BCKDHB: variants seen among roughly 807,000 people sequenced by gnomAD.
BCKDHB encodes 2-oxoisovalerate dehydrogenase subunit beta, mitochondrial.
Under a neutral mutation model 48.5 loss-of-function variants are expected in BCKDHB, and 41 were observed. That is an observed-to-expected ratio of 0.85 (90% CI 0.66 to 1.10). The LOEUF is 1.10. Ranked by LOEUF, BCKDHB falls within the 50% of genes least tolerant of loss-of-function variation. The probability of loss-of-function intolerance (pLI) is 0.00; values close to 1 mark genes in which losing one functional copy is unlikely to be tolerated. For synonymous variants in BCKDHB, 201 were observed against 174.8 expected, an observed-to-expected ratio of 1.15 and a Z score of -1.18; for missense variants, 496 against 494.2, an observed-to-expected ratio of 1.00 and a Z score of -0.03.
At chr6:80,294,365 A>ATG (rs1767109918) in intron 9 of BCKDHB, among the ~76,000 whole-genome samples, 2 of 152,198 alleles carry the variant, frequency 1.3e-5, no homozygotes, top group Admixed American at 1.3e-4. Context: ...ATTGTAAAAC[A>ATG]TGTGTTTGAA....
intron 8 of BCKDHB, among the ~76,000 whole-genome samples, chr6:80,205,596 A>G (rs1774607868): frequency 6.6e-6 from 1 of 152,088 alleles, no homozygotes; most frequent in Non-Finnish European, 1.5e-5. Flanking sequence ...GGATAGAGAA[A>G]GGAGCAGAGT....
intron 8 of BCKDHB, among the ~76,000 whole-genome samples, chr6:80,208,577 G>C (rs1774776862): frequency 6.6e-6 from 1 of 151,700 alleles, no homozygotes; most frequent in African/African-American, 2.4e-5. Flanking sequence ...AAAAAATAGG[G>C]TAGAAACAAA....
rs1020828959 is a variant in BCKDHB at position 80,215,020 on chromosome 6, T to C, written c.951+11808T>C. ...TAGACTATAATAAAGTCATTTTAAG[T>C]CATATGTTAAAAATTATGTGTATTT... On this transcript the variant is annotated intron_variant, in intron 8 of 9. Coordinates refer to ENST00000320393, the MANE Select transcript of BCKDHB (RefSeq NM_183050.4). Among the ~76,000 whole-genome samples the C allele has an allele frequency of 2.0e-5, 3 of 152,180 alleles. No individual in the cohort carries two copies. The South Asian group carries it at 6.2e-4, about 32-fold the overall frequency.
chr6:80,394,110 A>G, the BCKDHB span, among the ~76,000 whole-genome samples: 1 of 152,132 alleles, frequency 6.6e-6, no homozygotes, highest in Non-Finnish European at 1.5e-5. Flanking sequence ...TGTTCCTCCA[A>G]GTTGGGAAAC....
intron 9 of BCKDHB, among the ~76,000 whole-genome samples, chr6:80,296,371 G>A (rs986490973): frequency 1.3e-5 from 2 of 152,174 alleles, no homozygotes; most frequent in Admixed American, 6.5e-5. Flanking sequence ...GTGATTTTAT[G>A]TAGCCATTAT....
the BCKDHB span, among the ~76,000 whole-genome samples, chr6:80,398,649 T>C: frequency 6.6e-6 from 1 of 151,404 alleles, no homozygotes; most frequent in Non-Finnish European, 1.5e-5. Context: ...AGTCAAATTC[T>C]ACCAGATGTA....
chr6:80,237,870 A>T (rs1342575530), intron 8 of BCKDHB, among the ~76,000 whole-genome samples: 1 of 152,218 alleles, frequency 6.6e-6, no homozygotes, highest in Non-Finnish European at 1.5e-5. Flanking sequence ...TATCAGCTGG[A>T]GCAGACTGCT....
chr6:80,323,017 A>G (rs2128003186), intron 9 of BCKDHB, among the ~76,000 whole-genome samples: 1 of 150,834 alleles, frequency 6.6e-6, no homozygotes, highest in South Asian at 2.1e-4. Flanking sequence ...AGCTCATGCT[A>G]TGGAATTGGA....
intron 6 of BCKDHB, among the ~76,000 whole-genome samples, chr6:80,197,912 G>A (rs564370883): frequency 2.9e-4 from 44 of 151,322 alleles, no homozygotes; most frequent in Middle Eastern, 6.8e-3. Flanking sequence ...CCACCCGCCC[G>A]TCCATTGATC....
chr6:80,404,983 C>A, the BCKDHB span, among the ~76,000 whole-genome samples: 8 of 152,140 alleles, frequency 5.3e-5, no homozygotes, highest in Non-Finnish European at 8.8e-5. Context: ...AGAGAATATT[C>A]CATGTGTTCT....
intron 8 of BCKDHB, chr6:80,251,856 A>G (rs1562176235): frequency 6.6e-6 from 1 of 152,190 alleles, no homozygotes; most frequent in Non-Finnish European, 1.5e-5. Flanking sequence ...CTGTGTACAA[A>G]TTTTTTATTG....
the BCKDHB span, among the ~76,000 whole-genome samples, chr6:80,453,736 C>T: frequency 3.7e-4 from 57 of 152,262 alleles, no homozygotes; most frequent in African/African-American, 1.3e-3. Context: ...CCTGTGAACA[C>T]CCTCAGCTCT....
chr6:80,156,927 T>G (rs897753467), intron 3 of BCKDHB, among the ~76,000 whole-genome samples: 3 of 152,204 alleles, frequency 2.0e-5, no homozygotes, highest in Non-Finnish European at 4.4e-5. Flanking sequence ...AATTTATAAA[T>G]TTGTTTTGGC....
At chr6:80,300,027 A>G (rs1274602349) in intron 9 of BCKDHB, among the ~76,000 whole-genome samples, 1 of 152,074 alleles carries the variant, frequency 6.6e-6, no homozygotes, top group Non-Finnish European at 1.5e-5. Flanking sequence ...CAAACGGAAA[A>G]CAAAAGAGGA....
chr6:80,346,407 T>C (rs1458695756), downstream of BCKDHB: 2 of 152,190 alleles, frequency 1.3e-5, no homozygotes, highest in African/African-American at 2.4e-5. Context: ...AACTTTATTG[T>C]ATTTGGTTCA....
the BCKDHB span, among the ~76,000 whole-genome samples, chr6:80,404,923 A>G: frequency 2.0e-5 from 3 of 152,038 alleles, no homozygotes; most frequent in African/African-American, 7.2e-5. Context: ...TATAATTTTG[A>G]CCTTAAATTT....
At chr6:80,398,709 A>C in the BCKDHB span, among the ~76,000 whole-genome samples, 1 of 152,074 alleles carries the variant, frequency 6.6e-6, no homozygotes, top group Non-Finnish European at 1.5e-5. Context: ...AAAAAAAAAT[A>C]GGGAGGGATG....
intron 8 of BCKDHB, among the ~76,000 whole-genome samples, chr6:80,230,073 C>T (rs1273737863): frequency 2.0e-5 from 2 of 99,534 alleles, no homozygotes; most frequent in Non-Finnish European, 3.5e-5. Context: ...GAGTCTCACT[C>T]TTTCGCCCAA....
intron 9 of BCKDHB, among the ~76,000 whole-genome samples, chr6:80,283,117 G>A (rs1408077036): frequency 6.6e-6 from 1 of 152,002 alleles, no homozygotes; most frequent in Non-Finnish European, 1.5e-5. Context: ...CTACATGTAT[G>A]GCATATTTTG....
Sources: gnomAD v4.1 joint callset for allele counts (sites outside exome capture counted in the v4.1 genomes callset) on GRCh38, gnomAD v4.1.1 for gene constraint, MANE v1.5 for transcripts, NCBI Gene and HGNC (gene_info 2026-07-23, HGNC 2026-07-21) for gene names.